TTC12: variants seen among roughly 807,000 people sequenced by gnomAD.
TTC12 encodes tetratricopeptide repeat domain 12.
In TTC12, 70 loss-of-function variants were observed where a neutral mutation model predicts 90.1. The observed-to-expected ratio is 0.78, with a 90% CI of 0.64 to 0.95. The LOEUF (loss-of-function observed/expected upper bound fraction) is 0.95. Ranked by LOEUF, TTC12 falls within the 40% of genes least tolerant of loss-of-function variation. The pLI is 0.00. For synonymous variants in TTC12, 296 were observed against 311.5 expected (o/e 0.95, Z 0.53); for missense variants, 819 against 846.1 (o/e 0.97, Z 0.40).
At chr11:113,339,224 C>T in intron 9 of TTC12, 62 bp from the exon 10 acceptor site, 1 of 1,399,600 alleles carries the variant, frequency 7.1e-7, no homozygotes, top group Admixed American at 2.3e-5. Context: ...AAAAAGGTTG[C>T]TTCTTGTGTG....
At chr11:113,321,945 T>C (rs926801328) in intron 2 of TTC12, among the ~76,000 whole-genome samples, 2 of 152,188 alleles carry the variant, frequency 1.3e-5, no homozygotes, top group African/African-American at 4.8e-5. Context: ...ATTGTTGACA[T>C]AGATAATTGT....
chr11:113,316,098 G>T, intron 1 of TTC12, 145 bp from the exon 2 acceptor site: 1 of 410,452 alleles, frequency 2.4e-6, no homozygotes, highest in East Asian at 3.6e-5. Context: ...GGAATGAAAG[G>T]GATCACCCTG....
At chr11:113,358,661 A>G (rs1555153406) in intron 16 of TTC12, among the ~76,000 whole-genome samples, 1 of 152,164 alleles carries the variant, frequency 6.6e-6, no homozygotes, top group East Asian at 1.9e-4. Flanking sequence ...TCTCCACTAC[A>G]GACACTTCTA....
chr11:113,363,584 C>T (rs1317532919), intron 19 of TTC12, among the ~76,000 whole-genome samples: 3 of 152,198 alleles, frequency 2.0e-5, no homozygotes, highest in Admixed American at 6.5e-5. Context: ...GAGGCAATTA[C>T]TCAGGTGTAC....
intron 15 of TTC12, 43 bp downstream of exon 15, chr11:113,351,342 A>C: frequency 3.4e-5 from 53 of 1,537,374 alleles, no homozygotes; most frequent in Non-Finnish European, 4.6e-5. Context: ...AGACACTCTC[A>C]GGAGCGTGAA....
At chr11:113,360,137 T>C in intron 18 of TTC12, 129 bp downstream of exon 18, 3 of 657,552 alleles carry the variant, frequency 4.6e-6, no homozygotes, top group Non-Finnish European at 8.0e-6. Flanking sequence ...CTCTGAGATA[T>C]GGTGTGGATA....
chr11:113,363,334 A>T (rs1377300280), intron 19 of TTC12, among the ~76,000 whole-genome samples: 1 of 152,242 alleles, frequency 6.6e-6, no homozygotes, highest in African/African-American at 2.4e-5. Flanking sequence ...ACGTGCACAC[A>T]TGCCTTTTAA....
In TTC12 at chr11:113,349,877, G is replaced by A. The variant is rs111869241; in HGVS notation, c.1155-196G>A. ...GCATTCTGGGGATTCACATTAAGTG[G>A]TGGAGCCAACCACTTAAGAGTATCT... is the stretch of plus-strand genomic sequence containing the variant. On this transcript the variant is annotated intron_variant, in intron 13 of 21. Coordinates refer to ENST00000529221, the MANE Select transcript of TTC12 (RefSeq NM_017868.4). Among the ~76,000 whole-genome samples the A allele has an allele frequency of 7.1e-3, 1,087 of 152,310 alleles. 14 individuals carry two copies. The highest frequency in any genetic ancestry group is 0.024 in the African/African-American group (988 of 41,568).
downstream of TTC12, among the ~76,000 whole-genome samples, chr11:113,366,831 G>T (rs1400518852): frequency 6.6e-6 from 1 of 152,172 alleles, no homozygotes; most frequent in Non-Finnish European, 1.5e-5. Context: ...AGTGGTAGGT[G>T]GTGTCTCCCC....
intron 10 of TTC12, among the ~76,000 whole-genome samples, chr11:113,340,373 T>C (rs1948614727): frequency 6.6e-6 from 1 of 152,244 alleles, no homozygotes; most frequent in Non-Finnish European, 1.5e-5. Context: ...TGGGAGGCTC[T>C]CTGAAGATTA....
At chr11:113,361,276 GA>G (rs1460267814) in intron 18 of TTC12, among the ~76,000 whole-genome samples, 2 of 152,344 alleles carry the variant, frequency 1.3e-5, no homozygotes, top group Admixed American at 1.3e-4. Flanking sequence ...TCATTAAAAT[GA>G]GATTAAAGCC....
chr11:113,332,526 C>T (rs117464121), intron 7 of TTC12, among the ~76,000 whole-genome samples: 2,625 of 152,190 alleles, frequency 0.017, 50 homozygotes, highest in Admixed American at 0.029. Flanking sequence ...TCCCTTTGAC[C>T]ATTCCTTTCC....
Position 113,323,279 on chromosome 11 carries a change from C to T in TTC12, c.59-9C>T, listed in dbSNP as rs781905486. 1 of 1,586,786 alleles carries T rather than the reference C, an allele frequency of 6.3e-7. No individual in the cohort carries two copies. The highest frequency in any genetic ancestry group is 1.2e-5 in the South Asian group (1 of 85,790). On this transcript the variant is annotated splice_polypyrimidine_tract_variant and intron_variant, in intron 2 of 21. Transcript: ENST00000529221. ...TGTTTGATTAAGTCACACCTGATTT[C>T]TTCTCTAGCCAATTTAATTCAGGAG...
At chr11:113,366,711 C>T (rs1047240601), downstream of TTC12, among the ~76,000 whole-genome samples, 4 of 152,216 alleles carry the variant, frequency 2.6e-5, no homozygotes, top group East Asian at 1.9e-4. Flanking sequence ...ATTTCAGCTC[C>T]GTTTTTCCAG....
At chr11:113,339,665 G>A in intron 10 of TTC12, 191 bp downstream of exon 10, 1 of 549,810 alleles carries the variant, frequency 1.8e-6, no homozygotes, top group South Asian at 2.9e-5. Context: ...TCTCTACAGA[G>A]CATGCGTACA....
At chr11:113,317,092 A>T (rs1318065182) in intron 2 of TTC12, among the ~76,000 whole-genome samples, 1 of 152,212 alleles carries the variant, frequency 6.6e-6, no homozygotes, top group Admixed American at 6.5e-5. Context: ...ATGCTGTTCC[A>T]TGGAGCTCTG....
rs552733159 is a variant in TTC12, at chr11:113,328,559, T to G, written c.445-1361T>G. On this transcript the variant is annotated intron_variant, in intron 6 of 21. Coordinates refer to ENST00000529221, the MANE Select transcript of TTC12 (RefSeq NM_017868.4). ...CATATGTCACTCTACTTCTTTCATTTTTTTTTTCTGCTGTGCTCGGGAGGA... is the reference window on the plus strand; with the variant it reads ...CATATGTCACTCTACTTCTTTCATTGTTTTTTTCTGCTGTGCTCGGGAGGA... Among the ~76,000 whole-genome samples the G allele has an allele frequency of 2.6e-5, 4 of 152,294 alleles. No homozygotes were observed. In the South Asian group the frequency reaches 8.3e-4, roughly 32 times the overall value.
chr11:113,348,159 C>G (rs186856797), intron 13 of TTC12, among the ~76,000 whole-genome samples: 1 of 152,336 alleles, frequency 6.6e-6, no homozygotes, highest in Non-Finnish European at 1.5e-5. Flanking sequence ...ACATCTCTAT[C>G]ACAACATCCA....
chr11:113,367,576 A>G (rs1950254640), downstream of TTC12, among the ~76,000 whole-genome samples: 1 of 152,264 alleles, frequency 6.6e-6, no homozygotes, highest in Non-Finnish European at 1.5e-5. Flanking sequence ...CATTCTCTGA[A>G]GCATGTAGGA....
Sources: gnomAD v4.1 joint callset for allele counts (sites outside exome capture counted in the v4.1 genomes callset) on GRCh38, gnomAD v4.1.1 for gene constraint, MANE v1.5 for transcripts, NCBI Gene and HGNC (gene_info 2026-07-23, HGNC 2026-07-21) for gene names.